The following OSBPL3 variants were observed in gnomAD, a reference collection of about 807,000 sequenced individuals.
The protein encoded by OSBPL3 is oxysterol binding protein like 3.
OSBPL3 carries 65 observed loss-of-function variants against 120.1 expected under a neutral mutation model. The ratio of observed to expected loss-of-function variants is 0.54; its 90% CI spans 0.44 to 0.67. The LOEUF (loss-of-function observed/expected upper bound fraction) is 0.67. Ranked by LOEUF, OSBPL3 falls within the 30% of genes least tolerant of loss-of-function variation. OSBPL3 has a pLI of 0.00. For missense variants in OSBPL3, 1,004 were observed against 1,082.1 expected (o/e 0.93, Z 1.01); for synonymous variants, 416 against 402.6 (o/e 1.03, Z -0.40).
rs1806151692 is a variant in OSBPL3, at chr7:24,896,476, A to G, written c.-149-3855T>C. Among the ~76,000 whole-genome samples the G allele has an allele frequency of 6.6e-6, 1 of 152,218 alleles. No homozygotes were observed. The highest frequency in any genetic ancestry group is 6.5e-5 in the Admixed American group (1 of 15,284). ...CCTGGGGCTTCCACTAGGAAAAGAG[A>G]ACCCTGATTTCTACCCAGAATGGGG... On this transcript the variant is annotated intron_variant, in intron 1 of 22. Coordinates refer to ENST00000313367, the MANE Select transcript of OSBPL3 (RefSeq NM_015550.4). This position sits in a 1 kb window ranked among gnomAD's most constrained non-coding sequence, Gnocchi z 4.4.
intron 1 of OSBPL3, among the ~76,000 whole-genome samples, chr7:24,976,362 A>G (rs1455399189): frequency 6.6e-6 from 1 of 152,196 alleles, no homozygotes; most frequent in Non-Finnish European, 1.5e-5. Context: ...CTGACCATGG[A>G]AAAAACAGAG....
intron 16 of OSBPL3, among the ~76,000 whole-genome samples, chr7:24,828,643 G>A (rs532641619): frequency 2.7e-4 from 35 of 129,216 alleles, no homozygotes; most frequent in Non-Finnish European, 5.0e-4. Flanking sequence ...AAAAGGCATC[G>A]TAGAAGTTCC....
intron 2 of OSBPL3, among the ~76,000 whole-genome samples, chr7:24,880,423 A>G (rs1803509042): frequency 6.7e-6 from 1 of 148,332 alleles, no homozygotes; most frequent in South Asian, 2.2e-4. Flanking sequence ...TCACCCCCCT[A>G]CTCTCTCCCC....
chr7:24,941,471 G>T (rs1307192558), intron 1 of OSBPL3, among the ~76,000 whole-genome samples: 3 of 152,092 alleles, frequency 2.0e-5, no homozygotes, highest in Non-Finnish European at 4.4e-5. Context: ...GCTTTCCAAG[G>T]TGTAGTGAGC....
rs1422412519 is a variant in OSBPL3, at chr7:24,803,545, G to A, written c.2567+770C>T. Reference sequence around the variant, plus strand: ...ACCTGTACTTTGGGAGGCTGAGGCAGGTGGATCACGAGGTCAGGAGATTGA... The same window carrying A: ...ACCTGTACTTTGGGAGGCTGAGGCAAGTGGATCACGAGGTCAGGAGATTGA... On this transcript the variant is annotated intron_variant, in intron 22 of 22. Coordinates refer to ENST00000313367, the MANE Select transcript of OSBPL3 (RefSeq NM_015550.4). The surrounding 1 kb of genome is among the most constrained non-coding windows in gnomAD (Gnocchi z 4.2). Among the ~76,000 whole-genome samples the A allele has an allele frequency of 6.6e-6, 1 of 152,180 alleles. No individual in the cohort carries two copies. Among genetic ancestry groups the A allele is most frequent in the African/African-American group, 2.4e-5 (1 of 41,436 alleles).
At chr7:24,866,362 G>A (rs1562852802) in intron 5 of OSBPL3, 125 bp from the exon 6 acceptor site, 9 of 745,836 alleles carry the variant, frequency 1.2e-5, no homozygotes, top group Admixed American at 2.3e-5. Context: ...CAACAGCCAG[G>A]CGCAGTGGCT....
intron 1 of OSBPL3, among the ~76,000 whole-genome samples, chr7:24,925,516 G>A (rs1448433436): frequency 6.6e-6 from 1 of 152,222 alleles, no homozygotes; most frequent in Non-Finnish European, 1.5e-5. Flanking sequence ...GGACAGGCCT[G>A]TTTGAGGCAA....
intron 1 of OSBPL3, among the ~76,000 whole-genome samples, chr7:24,944,144 T>C (rs1813423696): frequency 1.3e-5 from 2 of 151,672 alleles, no homozygotes; most frequent in Non-Finnish European, 2.9e-5. Context: ...TTAAAAGTTA[T>C]CTTGACTTGA....
intron 1 of OSBPL3, among the ~76,000 whole-genome samples, chr7:24,893,072 T>C (rs1805608501): frequency 6.6e-6 from 1 of 152,162 alleles, no homozygotes; most frequent in Non-Finnish European, 1.5e-5. Flanking sequence ...GTTCTATTTC[T>C]CAAAAATTTA....
At chr7:24,979,552 T>C (rs1160215543) in intron 1 of OSBPL3, among the ~76,000 whole-genome samples, 2 of 152,174 alleles carry the variant, frequency 1.3e-5, no homozygotes, top group Non-Finnish European at 2.9e-5. Context: ...GCCTCCCCGC[T>C]GCCCAGGACA....
chr7:24,807,210 C>T (rs909760775), intron 20 of OSBPL3, among the ~76,000 whole-genome samples: 1 of 152,250 alleles, frequency 6.6e-6, no homozygotes, highest in African/African-American at 2.4e-5. Context: ...TAAACATGCT[C>T]GGCTGGGCGT....
intron 1 of OSBPL3, among the ~76,000 whole-genome samples, chr7:24,907,885 A>C (rs1316788792): frequency 6.6e-6 from 1 of 152,182 alleles, no homozygotes; most frequent in African/African-American, 2.4e-5. Flanking sequence ...CATTCTGTGG[A>C]AAGTAATTTA....
In OSBPL3 at chr7:24,922,864, C is replaced by A. The variant is rs1019650657; in HGVS notation, c.-149-30243G>T. ...CTCAGGGAGAACCACAGGGCTAATTCTGATTCCAAAGCAAGCTTATTACTT... is the reference window on the plus strand; with the variant it reads ...CTCAGGGAGAACCACAGGGCTAATTATGATTCCAAAGCAAGCTTATTACTT... On this transcript the variant is annotated intron_variant, in intron 1 of 22. Coordinates refer to ENST00000313367, the MANE Select transcript of OSBPL3 (RefSeq NM_015550.4). The surrounding 1 kb of genome is among the most constrained non-coding windows in gnomAD (Gnocchi z 4.3). Among the ~76,000 whole-genome samples the A allele has an allele frequency of 1.2e-4, 19 of 152,120 alleles. No individual in the cohort carries two copies. Among genetic ancestry groups the A allele is most frequent in the East Asian group, 5.8e-4 (3 of 5,190 alleles).
rs936494638 is a variant in OSBPL3, at chr7:24,851,551, T to C, written c.1158+953A>G. On this transcript the variant is annotated intron_variant, in intron 11 of 22. Coordinates refer to ENST00000313367, the MANE Select transcript of OSBPL3 (RefSeq NM_015550.4). This position sits in a 1 kb window ranked among gnomAD's most constrained non-coding sequence, Gnocchi z 4.1. Reference sequence around the variant, plus strand: ...CCTGTGTTGGCTTCTGGTTACAAGATCCTAAAATTTATCTCCCCTACCTGA... The same window carrying C: ...CCTGTGTTGGCTTCTGGTTACAAGACCCTAAAATTTATCTCCCCTACCTGA... 3.9e-5 allele frequency among the ~76,000 whole-genome samples: 6 copies of C among 152,174 alleles called. No homozygotes were observed. Among genetic ancestry groups the C allele is most frequent in the Non-Finnish European group, 8.8e-5 (6 of 68,020 alleles).
rs150299801 is a variant in OSBPL3 at position 24,900,566 on chromosome 7, T to G, written c.-149-7945A>C. ...AGATTTTGTCCCACTGCTTAGCTACTCCTTAATCAAGGTATGGCAAGTACC... is the reference window on the plus strand; with the variant it reads ...AGATTTTGTCCCACTGCTTAGCTACGCCTTAATCAAGGTATGGCAAGTACC... On this transcript the variant is annotated intron_variant, in intron 1 of 22. Coordinates refer to ENST00000313367, the MANE Select transcript of OSBPL3 (RefSeq NM_015550.4). This position sits in a 1 kb window ranked among gnomAD's most constrained non-coding sequence, Gnocchi z 4.5. Among the ~76,000 whole-genome samples, 2 of 152,190 alleles carry G rather than the reference T, an allele frequency of 1.3e-5. No individual in the cohort carries two copies. Among genetic ancestry groups the G allele is most frequent in the Non-Finnish European group, 2.9e-5 (2 of 68,028 alleles).
At chr7:24,870,382 A>G (rs1217801201) in intron 5 of OSBPL3, among the ~76,000 whole-genome samples, 2 of 152,214 alleles carry the variant, frequency 1.3e-5, no homozygotes, top group Non-Finnish European at 2.9e-5. Flanking sequence ...TTACATATAT[A>G]TTTCAGGAAC....
At position 24,841,694 on chromosome 7, in the gene OSBPL3, C is replaced by CAA. The variant is rs67988881; in HGVS notation, c.1401+583_1401+584dup. On this transcript the variant is annotated intron_variant, in intron 13 of 22. Coordinates refer to ENST00000313367, the MANE Select transcript of OSBPL3 (RefSeq NM_015550.4). ...TGGCCAACAGAATGAGACTATGTCT[C>CAA]AAAAAAAAAAAAAAAAAAAAAAAAA... 1.8e-3 allele frequency among the ~76,000 whole-genome samples: 22 copies of CAA among 12,136 alleles called. 1 individual carries two copies. The highest frequency in any genetic ancestry group is 2.2e-3 in the Admixed American group (2 of 906). 8.0% of individuals were successfully genotyped at this position (12,136 alleles called of 152,430 possible). A position where few individuals can be genotyped will look rare whatever the true frequency, so the allele number is the denominator to read the frequency against.
intron 12 of OSBPL3, among the ~76,000 whole-genome samples, chr7:24,846,115 A>G (rs924618774): frequency 6.6e-6 from 1 of 152,206 alleles, no homozygotes; most frequent in Non-Finnish European, 1.5e-5. Context: ...TTTCTTTTAT[A>G]TACAAAATAA....
chr7:24,860,206 T>C (rs936039960), intron 10 of OSBPL3, among the ~76,000 whole-genome samples: 2 of 152,244 alleles, frequency 1.3e-5, no homozygotes, highest in African/African-American at 2.4e-5. Context: ...TTTTCATCAC[T>C]ACAAGATCCC....
Sources: gnomAD v4.1 joint callset for allele counts (sites outside exome capture counted in the v4.1 genomes callset) on GRCh38, gnomAD v4.1.1 for gene constraint, Gnocchi (gnomAD v3.1) non-coding constraint, MANE v1.5 for transcripts, NCBI Gene and HGNC (gene_info 2026-07-23, HGNC 2026-07-21) for gene names.